Variants in NPIPB12 observed in about 807,000 individuals in gnomAD.
NPIPB12 encodes nuclear pore complex interacting protein family member B12, also known as nuclear pore complex-interacting protein family member B12.
intron 1 of NPIPB12, among the ~76,000 whole-genome samples, chr16:29,498,042 T>TATCATTAAATAA (rs1324293142): frequency 1.4e-5 from 1 of 69,570 alleles, no homozygotes; most frequent in Non-Finnish European, 3.0e-5. Context: ...GGTTCACGCC[T>TATCATTAAATAA]GTAATCCCAA....
chr16:29,490,517 G>C (rs1354220506), intron 4 of NPIPB12, among the ~76,000 whole-genome samples: 51 of 149,476 alleles, frequency 3.4e-4, no homozygotes, highest in Non-Finnish European at 3.8e-4. Context: ...TGCGGATCAT[G>C]TCAGGAGTTC....
chr16:29,501,205 T>G (rs200414680), upstream of NPIPB12, among the ~76,000 whole-genome samples: 44 of 73,096 alleles, frequency 6.0e-4, no homozygotes, highest in African/African-American at 1.1e-3. Flanking sequence ...ACGGGCTGGG[T>G]GTGGTGGCTC....
chr16:29,504,673 A>C (rs866962421), intron 2 of NPIPB12, among the ~76,000 whole-genome samples: 23 of 26,112 alleles, frequency 8.8e-4, no homozygotes, highest in Non-Finnish European at 1.4e-3. Context: ...TTGTAGACTA[A>C]ACAGAGCATT....
rs1286274968 is a variant in NPIPB12, at chr16:29,497,232, T to A, written c.76-1625A>T. Reference sequence around the variant, plus strand: ...TTTTAGTGCTTAAAAATTAACAAGGTGGGCTGGGCGTGGTGGCTCACGCCT... The same window carrying A: ...TTTTAGTGCTTAAAAATTAACAAGGAGGGCTGGGCGTGGTGGCTCACGCCT... On this transcript the variant is annotated intron_variant, in intron 1 of 5. Coordinates refer to ENST00000617311, the Ensembl canonical transcript of NPIPB12. 1.2e-4 allele frequency among the ~76,000 whole-genome samples: 9 copies of A among 72,322 alleles called. 2 individuals carry two copies. In the East Asian group the frequency reaches 9.2e-3, roughly 74 times the overall value. 47.4% of individuals were successfully genotyped at this position (72,322 alleles called of 152,430 possible).
upstream of NPIPB12, among the ~76,000 whole-genome samples, chr16:29,501,455 C>T (rs1368061472): frequency 6.5e-5 from 1 of 15,442 alleles, no homozygotes; most frequent in Non-Finnish European, 1.0e-4. Flanking sequence ...CCAGCCTAGG[C>T]GACAGAGCGA....
At chr16:29,490,634 G>T (rs1596715477) in intron 4 of NPIPB12, among the ~76,000 whole-genome samples, 3 of 94,692 alleles carry the variant, frequency 3.2e-5, no homozygotes, top group East Asian at 6.2e-4. Flanking sequence ...AGAGGCTGAG[G>T]GATAAGAATC....
chr16:29,498,299 A>AAATAAATAAAT (rs1555481945), intron 1 of NPIPB12, among the ~76,000 whole-genome samples: 69 of 141,934 alleles, frequency 4.9e-4, no homozygotes, highest in Admixed American at 5.6e-4. Flanking sequence ...AAACTGTCTC[A>AAATAAATAAAT]AAATAAATAA....
intron 2 of NPIPB12, among the ~76,000 whole-genome samples, chr16:29,504,486 C>T (rs1417854498): frequency 2.4e-5 from 3 of 122,910 alleles, no homozygotes; most frequent in Non-Finnish European, 5.2e-5. Context: ...GCCTGGGGGA[C>T]AGAGTGAAAC....
At chr16:29,492,478 T>G in intron 2 of NPIPB12, among the ~76,000 whole-genome samples, 1 of 76,588 alleles carries the variant, frequency 1.3e-5, no homozygotes, top group Admixed American at 1.4e-4. Context: ...GCAACAAAAT[T>G]GAAACTCTTG....
At chr16:29,490,914 A>AG (rs1965078060) in intron 4 of NPIPB12, among the ~76,000 whole-genome samples, 3 of 139,402 alleles carry the variant, frequency 2.2e-5, no homozygotes, top group African/African-American at 8.1e-5. Context: ...TAAAAAAAAA[A>AG]AAAAAAAAAA....
chr16:29,498,044 T>TATCATTAAAAAAGA (rs1596717565), intron 1 of NPIPB12, among the ~76,000 whole-genome samples: 1 of 132,134 alleles, frequency 7.6e-6, no homozygotes, highest in Non-Finnish European at 1.6e-5. Context: ...TTCACGCCTG[T>TATCATTAAAAAAGA]AATCCCAACG....
chr16:29,498,299 A>AAAATAAATGAAT (rs1965163431), intron 1 of NPIPB12, among the ~76,000 whole-genome samples: 1 of 141,938 alleles, frequency 7.0e-6, no homozygotes, highest in African/African-American at 2.6e-5. Flanking sequence ...AAACTGTCTC[A>AAAATAAATGAAT]AAATAAATAA....
Position 29,497,197 on chromosome 16 carries a change from A to C in NPIPB12, c.76-1590T>G, listed in dbSNP as rs1965143532. On this transcript the variant is annotated intron_variant, in intron 1 of 5. Coordinates refer to ENST00000617311, the Ensembl canonical transcript of NPIPB12. ...TGAAGAGATTACTTCATTCACAAAT[A>C]AGTATCAAATTTTAGTGCTTAAAAA... is the stretch of plus-strand genomic sequence containing the variant. 2.1e-5 allele frequency among the ~76,000 whole-genome samples: 2 copies of C among 93,838 alleles called. 1 individual carries two copies. Among genetic ancestry groups the C allele is most frequent in the Non-Finnish European group, 4.4e-5 (2 of 45,102 alleles). The allele number at this position is 93,838 out of a possible 152,430, so 61.6% of individuals were successfully genotyped here.
At chr16:29,495,257 C>G (rs1965124714) in intron 2 of NPIPB12, among the ~76,000 whole-genome samples, 1 of 139,552 alleles carries the variant, frequency 7.2e-6, no homozygotes, top group African/African-American at 2.5e-5. Flanking sequence ...TTATTTTTGA[C>G]CAAAAGCTCT....
At position 29,498,193 on chromosome 16, in the gene NPIPB12, G is replaced by A. The variant is rs1245669138; in HGVS notation, c.75+1131C>T. Reference sequence around the variant, plus strand: ...CACATGTCTGTAATCCCAGCCACTCGGGAGGCTGAGGCAGGAGAATCGCTC... The same window carrying A: ...CACATGTCTGTAATCCCAGCCACTCAGGAGGCTGAGGCAGGAGAATCGCTC... On this transcript the variant is annotated intron_variant, in intron 1 of 5. Transcript: ENST00000617311. Among the ~76,000 whole-genome samples the A allele has an allele frequency of 7.2e-3, 998 of 139,188 alleles. No individual in the cohort carries two copies. The East Asian group carries it at 0.097, about 13-fold the overall frequency. 91.3% of individuals were successfully genotyped at this position (139,188 alleles called of 152,430 possible). A position where few individuals can be genotyped will look rare whatever the true frequency, so the allele number is the denominator to read the frequency against.
intron 1 of NPIPB12, among the ~76,000 whole-genome samples, chr16:29,498,213 T>A (rs1260664155): frequency 2.1e-5 from 3 of 145,022 alleles, no homozygotes; most frequent in East Asian, 2.2e-4. Context: ...GGCAGGAGAA[T>A]CGCTCGAACC....
chr16:29,490,905 A>T (rs78348578), intron 4 of NPIPB12, among the ~76,000 whole-genome samples: 11 of 62,442 alleles, frequency 1.8e-4, no homozygotes, highest in East Asian at 4.1e-3. Context: ...TCTCAAAATT[A>T]AAAAAAAAAA....
At chr16:29,485,579 A>G (rs1965044451), downstream of NPIPB12, 1 of 1,088,594 alleles carries the variant, frequency 9.2e-7, no homozygotes, top group Non-Finnish European at 1.3e-6. Context: ...TCTTGAGATT[A>G]TCATCCGCTG....
At chr16:29,505,382 T>TC in intron 2 of NPIPB12, 91 bp downstream of exon 2, 6 of 1,163,220 alleles carry the variant, frequency 5.2e-6, no homozygotes, top group East Asian at 2.6e-5. Context: ...TGCGTAAGCT[T>TC]CCCCCAGCAT....
Sources: gnomAD v4.1 joint callset for allele counts (sites outside exome capture counted in the v4.1 genomes callset) on GRCh38, gnomAD v4.1.1 for gene constraint, MANE v1.5 for transcripts, NCBI Gene and HGNC (gene_info 2026-07-23, HGNC 2026-07-21) for gene names.